MAP3K13: variants seen among roughly 807,000 people sequenced by gnomAD.
The protein encoded by MAP3K13 is leucine zipper-bearing kinase.
A neutral mutation model predicts 104.0 loss-of-function variants in MAP3K13; 52 were observed. The ratio of observed to expected loss-of-function variants is 0.50; its 90% CI spans 0.40 to 0.63. The LOEUF (loss-of-function observed/expected upper bound fraction) is 0.63, where lower values mean the gene tolerates loss of function less well. Among genes scored for constraint, MAP3K13 ranks in the 20% least tolerant of loss-of-function variants. The probability of loss-of-function intolerance (pLI) is 0.00; values close to 1 mark genes in which losing one functional copy is unlikely to be tolerated. For synonymous variants in MAP3K13, 394 were observed against 442.2 expected (o/e 0.89, Z 1.37); for missense variants, 914 against 1,218.5 (o/e 0.75, Z 3.72).
At chr3:185,351,921 C>G (rs1157541246) in intron 2 of MAP3K13, among the ~76,000 whole-genome samples, 1 of 152,164 alleles carries the variant, frequency 6.6e-6, no homozygotes, top group Non-Finnish European at 1.5e-5. Flanking sequence ...ATTTGTTCTG[C>G]CATTGCCTAG....
At chr3:185,359,444 A>T (rs1367812017), upstream of MAP3K13, among the ~76,000 whole-genome samples, 1 of 152,160 alleles carries the variant, frequency 6.6e-6, no homozygotes, top group East Asian at 1.9e-4. Flanking sequence ...CAAAATAAAG[A>T]TGTTGTATTA....
intron 1 of MAP3K13, among the ~76,000 whole-genome samples, chr3:185,392,229 C>T (rs1010600572): frequency 1.3e-5 from 2 of 152,152 alleles, no homozygotes; most frequent in African/African-American, 4.8e-5. Context: ...CAAACCTGAA[C>T]ATGGCACCTG....
At chr3:185,451,013 C>T (rs1271006942) in intron 6 of MAP3K13, among the ~76,000 whole-genome samples, 1 of 152,122 alleles carries the variant, frequency 6.6e-6, no homozygotes, top group Non-Finnish European at 1.5e-5. Flanking sequence ...TGGCGTGAAC[C>T]CAGGAGGCGG....
At chr3:185,365,343 G>A (rs1723819076) in intron 1 of MAP3K13, among the ~76,000 whole-genome samples, 6 of 152,188 alleles carry the variant, frequency 3.9e-5, no homozygotes, top group Admixed American at 3.9e-4. Context: ...AGCTACTCCA[G>A]AAGTAGGAAT....
intron 2 of MAP3K13, among the ~76,000 whole-genome samples, chr3:185,288,907 G>T (rs1293483747): frequency 1.3e-5 from 2 of 152,166 alleles, no homozygotes; most frequent in East Asian, 3.9e-4. Context: ...CATTCCAATT[G>T]TTTATGATCA....
intron 1 of MAP3K13, among the ~76,000 whole-genome samples, chr3:185,403,662 T>A (rs1347245068): frequency 6.6e-6 from 1 of 152,232 alleles, no homozygotes; most frequent in African/African-American, 2.4e-5. Flanking sequence ...CAGTTATACC[T>A]CAGTAAAGCT....
chr3:185,455,668 GATAT>G (rs1330907047), intron 7 of MAP3K13, among the ~76,000 whole-genome samples: 1 of 18,530 alleles, frequency 5.4e-5, no homozygotes, highest in Non-Finnish European at 1.3e-4. Flanking sequence ...ATATATATAT[GATAT>G]ATATATGAGA....
In MAP3K13 at chr3:185,287,030, GT is replaced by G. The variant is rs574143465; in HGVS notation, c.-86+1394del. On this transcript the variant is annotated intron_variant, in intron 2 of 14. Transcript: ENST00000424227. ...AAGTAGGGTTACACAAATGAGTTAA[GT>G]TTTTTTCAGAGCTGCAATCTATTCC... 1.2e-4 allele frequency among the ~76,000 whole-genome samples: 19 copies of G among 152,180 alleles called. No homozygotes were observed. The East Asian group carries it at 3.5e-3, about 28-fold the overall frequency.
chr3:185,457,057 A>G (rs1294061982), intron 7 of MAP3K13, among the ~76,000 whole-genome samples: 1 of 152,162 alleles, frequency 6.6e-6, no homozygotes, highest in Non-Finnish European at 1.5e-5. Context: ...AGTCCTCCTA[A>G]AACGTCACTT....
intron 1 of MAP3K13, among the ~76,000 whole-genome samples, chr3:185,395,353 A>ATGTCTTTTTTTTTT (rs1560083056): frequency 5.4e-4 from 10 of 18,512 alleles, no homozygotes; most frequent in African/African-American, 1.8e-3. Flanking sequence ...ATTCAATATT[A>ATGTCTTTTTTTTTT]TTTCTTTTTT....
At chr3:185,409,962 T>C (rs556768428) in intron 1 of MAP3K13, among the ~76,000 whole-genome samples, 2 of 152,228 alleles carry the variant, frequency 1.3e-5, no homozygotes, top group South Asian at 2.1e-4. Context: ...GATGAAACTG[T>C]CCCACCTCAG....
At position 185,455,392 on chromosome 3, in the gene MAP3K13, C is replaced by T. The variant is rs62650464; in HGVS notation, c.1278+3997C>T. 2.3e-3 allele frequency among the ~76,000 whole-genome samples: 123 copies of T among 54,656 alleles called. 9 individuals are homozygous for T. Among genetic ancestry groups the T allele is most frequent in the African/African-American group, 4.4e-3 (72 of 16,414 alleles). 35.9% of individuals were successfully genotyped at this position (54,656 alleles called of 152,430 possible). Reference sequence around the variant, plus strand: ...TATATGATATATATGATATATATATCATATATGAGATATATATATGAGATA... The same window carrying T: ...TATATGATATATATGATATATATATTATATATGAGATATATATATGAGATA... On this transcript the variant is annotated intron_variant, in intron 7 of 13. Coordinates refer to ENST00000265026, the MANE Select transcript of MAP3K13 (RefSeq NM_004721.5).
intron 1 of MAP3K13, among the ~76,000 whole-genome samples, chr3:185,411,972 T>G (rs1402528901): frequency 6.6e-6 from 1 of 151,956 alleles, no homozygotes; most frequent in African/African-American, 2.4e-5. Context: ...TTAGTAGATA[T>G]GGGGTTTCAC....
At chr3:185,391,903 C>A (rs1170557990) in intron 1 of MAP3K13, among the ~76,000 whole-genome samples, 1 of 151,968 alleles carries the variant, frequency 6.6e-6, no homozygotes, top group African/African-American at 2.4e-5. Flanking sequence ...TTAAGTATAA[C>A]CTGTGTTTTG....
intron 3 of MAP3K13, 57 bp downstream of exon 3, chr3:185,437,687 T>G: frequency 6.8e-7 from 1 of 1,470,432 alleles, no homozygotes; most frequent in South Asian, 1.3e-5. Context: ...CCCCAATATA[T>G]ACACACAAGT....
At chr3:185,365,660 C>CA (rs1166975703) in intron 1 of MAP3K13, among the ~76,000 whole-genome samples, 1 of 151,080 alleles carries the variant, frequency 6.6e-6, no homozygotes. Context: ...CAGTTTGTTG[C>CA]AAAAAAATAA....
intron 2 of MAP3K13, among the ~76,000 whole-genome samples, chr3:185,430,547 T>C (rs1238389803): frequency 6.6e-6 from 1 of 152,160 alleles, no homozygotes; most frequent in Admixed American, 6.6e-5. Context: ...TGAGAACATG[T>C]GATATTTGGT....
At chr3:185,420,408 C>A (rs1247358279) in intron 1 of MAP3K13, among the ~76,000 whole-genome samples, 1 of 152,116 alleles carries the variant, frequency 6.6e-6, no homozygotes, top group African/African-American at 2.4e-5. Flanking sequence ...CTGGAAAGAT[C>A]ATTTTATGTT....
Position 185,437,641 on chromosome 3 carries a change from G to GC in MAP3K13, c.659+12dup. 1 of 1,407,548 alleles carries GC rather than the reference G, an allele frequency of 7.1e-7. No homozygotes were observed. The allele number at this position is 1,407,548 out of a possible 1,614,324, so 87.2% of individuals were successfully genotyped here. A position where few individuals can be genotyped will look rare whatever the true frequency, so the allele number is the denominator to read the frequency against. ...CATCATCGCATTCAAGTAGGTCAAGGCTTTTTTTTTTTAAGAAGTAGACCT... is the reference window on the plus strand; with the variant it reads ...CATCATCGCATTCAAGTAGGTCAAGGCCTTTTTTTTTTTAAGAAGTAGACCT... On this transcript the variant is annotated intron_variant, in intron 3 of 13. Coordinates refer to ENST00000265026, the MANE Select transcript of MAP3K13 (RefSeq NM_004721.5).
Sources: gnomAD v4.1 joint callset for allele counts (sites outside exome capture counted in the v4.1 genomes callset) on GRCh38, gnomAD v4.1.1 for gene constraint, MANE v1.5 for transcripts, NCBI Gene and HGNC (gene_info 2026-07-23, HGNC 2026-07-21) for gene names.